The following ANK3 variants were observed in gnomAD, a reference collection of about 807,000 sequenced individuals.
ANK3 encodes the protein ankyrin 3.
A neutral mutation model predicts 370.9 loss-of-function variants in ANK3; 57 were observed. The ratio of observed to expected loss-of-function variants is 0.15; its 90% CI spans 0.12 to 0.19. The LOEUF (loss-of-function observed/expected upper bound fraction) is 0.19, where lower values mean the gene tolerates loss of function less well. ANK3 is among the 10% of genes least tolerant of loss of function. The pLI is 1.00. For missense variants in ANK3, 4,439 were observed against 5,302.1 expected (o/e 0.84, Z 5.06); for synonymous variants, 1,929 against 1,946.3 (o/e 0.99, Z 0.23).
At chr10:60,082,829 C>T in intron 33 of ANK3, 92 bp from the exon 34 acceptor site, 1 of 1,407,616 alleles carries the variant, frequency 7.1e-7, no homozygotes, top group Non-Finnish European at 9.6e-7. Context: ...TTTTATCAAG[C>T]CCTATGAGAG....
intron 2 of ANK3, among the ~76,000 whole-genome samples, chr10:60,552,049 A>G (rs1320387534): frequency 6.6e-6 from 1 of 152,222 alleles, no homozygotes. Flanking sequence ...CATTGCAATC[A>G]TACTACCTGC....
intron 2 of ANK3, among the ~76,000 whole-genome samples, chr10:60,490,774 T>A (rs181335274): frequency 6.6e-6 from 1 of 152,350 alleles, no homozygotes; most frequent in Non-Finnish European, 1.5e-5. Context: ...CCACCATTTC[T>A]TAAAAATAGA....
chr10:60,088,186 T>A lies in ANK3; in HGVS notation c.3501A>T (p.Pro1167=). Residue 1167 remains proline, a synonymous_variant, in exon 29 of 44, where the codon CCA becomes CCT. Coordinates refer to ENST00000280772, the MANE Select transcript of ANK3 (RefSeq NM_020987.5). ...TTVPLVQASF[P]EGALTKRIRV... is the part of the protein sequence containing the mutation. ...GAATTCTTTTAGTTAGGGCACCCTC[T>A]GGGAAAGATGCTTGAACAAGGGGCA... is the stretch of plus-strand genomic sequence containing the variant. The A allele has an allele frequency of 6.2e-7, 1 of 1,614,186 alleles. No individual in the cohort carries two copies. Among genetic ancestry groups the A allele is most frequent in the South Asian group, 1.1e-5 (1 of 91,088 alleles).
chr10:60,708,865 C>T (rs938110796), intron 1 of ANK3, among the ~76,000 whole-genome samples: 1 of 152,066 alleles, frequency 6.6e-6, no homozygotes, highest in Non-Finnish European at 1.5e-5. Flanking sequence ...AAGCCTCAAG[C>T]CTTATTTAAG....
At chr10:60,242,935 G>A (rs1445012072) in intron 7 of ANK3, among the ~76,000 whole-genome samples, 1 of 152,124 alleles carries the variant, frequency 6.6e-6, no homozygotes, top group East Asian at 1.9e-4. Context: ...CCCATCAGTT[G>A]TCTAACCCCA....
At chr10:60,600,383 C>G (rs571049777) in intron 2 of ANK3, among the ~76,000 whole-genome samples, 1 of 152,262 alleles carries the variant, frequency 6.6e-6, no homozygotes, top group East Asian at 1.9e-4. Context: ...CTCCTGCATA[C>G]CCAGACTTCA....
chr10:60,511,245 G>C (rs1028706094), intron 2 of ANK3, among the ~76,000 whole-genome samples: 4 of 152,110 alleles, frequency 2.6e-5, no homozygotes, highest in Non-Finnish European at 5.9e-5. Flanking sequence ...GTCAGCAAGA[G>C]AATGTTGGCC....
chr10:60,348,370 A>C (rs1163869572), intron 1 of ANK3, among the ~76,000 whole-genome samples: 4 of 51,158 alleles, frequency 7.8e-5, no homozygotes, highest in East Asian at 1.5e-3. Flanking sequence ...AAAAAAAAAA[A>C]CACAAAAAAC....
At chr10:60,626,872 C>T (rs556708771) in intron 1 of ANK3, among the ~76,000 whole-genome samples, 1 of 152,186 alleles carries the variant, frequency 6.6e-6, no homozygotes, top group South Asian at 2.1e-4. Flanking sequence ...AGCATGTAGT[C>T]AGACTGAGGA....
intron 4 of ANK3, among the ~76,000 whole-genome samples, chr10:60,271,263 G>T (rs1032690817): frequency 1.3e-5 from 2 of 151,946 alleles, no homozygotes; most frequent in South Asian, 4.2e-4. Context: ...GGAGTGCCGG[G>T]GTATCGTCAC....
At chr10:60,607,788 TAGGGTACAAGTCAG>T (rs1555396546) in intron 2 of ANK3, among the ~76,000 whole-genome samples, 6 of 152,054 alleles carry the variant, frequency 3.9e-5, no homozygotes, top group Non-Finnish European at 2.9e-5. Flanking sequence ...ACATAGGAGG[TAGGGTACAAGTCAG>T]AGCACGCAGA....
At position 60,279,656 on chromosome 10, in the gene ANK3, A is replaced by G; in HGVS notation, c.115-17T>C. On this transcript the variant is annotated splice_polypyrimidine_tract_variant and intron_variant, in intron 1 of 43. Transcript: ENST00000280772. ...GGCATCAGACTAAAATAAAAAAGAAACACATTTTGATGAAAAATGAAGCTA... is the reference window on the plus strand; with the variant it reads ...GGCATCAGACTAAAATAAAAAAGAAGCACATTTTGATGAAAAATGAAGCTA... 6.3e-7 allele frequency: 1 copy of G among 1,595,490 alleles called. No homozygotes were observed. Among genetic ancestry groups the G allele is most frequent in the Non-Finnish European group, 8.6e-7 (1 of 1,168,982 alleles).
At position 60,475,817 on chromosome 10, in the gene ANK3, G is replaced by A. The variant is rs564216233; in HGVS notation, c.96+139369C>T. On this transcript the variant is annotated intron_variant, in intron 2 of 43. Coordinates refer to the ANK3 transcript ENST00000373827. Reference sequence around the variant, plus strand: ...GGACACATTTCCACTGGTCTCATGGGACGGAGTCGCTTTCGAAAAAATCTG... The same window carrying A: ...GGACACATTTCCACTGGTCTCATGGAACGGAGTCGCTTTCGAAAAAATCTG... 2.6e-5 allele frequency among the ~76,000 whole-genome samples: 4 copies of A among 152,204 alleles called. No individual in the cohort carries two copies. In the East Asian group the frequency reaches 5.8e-4, roughly 22 times the overall value.
At chr10:60,038,334 T>C (rs1564543519) in intron 43 of ANK3, among the ~76,000 whole-genome samples, 1 of 152,126 alleles carries the variant, frequency 6.6e-6, no homozygotes, top group Admixed American at 6.5e-5. Context: ...GAGGCAGAGG[T>C]TGCAATGAGC....
At chr10:60,661,818 C>G (rs1206336421) in intron 1 of ANK3, among the ~76,000 whole-genome samples, 4 of 152,184 alleles carry the variant, frequency 2.6e-5, no homozygotes, top group Non-Finnish European at 5.9e-5. Flanking sequence ...GCACCCTCAT[C>G]TTCATCTGGC....
chr10:60,527,479 C>T (rs1342753690), intron 2 of ANK3, among the ~76,000 whole-genome samples: 1 of 151,956 alleles, frequency 6.6e-6, no homozygotes, highest in Non-Finnish European at 1.5e-5. Context: ...ACCAGATAAG[C>T]CAACAAAACA....
At chr10:60,560,886 G>A (rs928340355) in intron 2 of ANK3, among the ~76,000 whole-genome samples, 2 of 151,932 alleles carry the variant, frequency 1.3e-5, no homozygotes, top group East Asian at 1.9e-4. Flanking sequence ...ATAGACCACC[G>A]TGGTTCAACT....
At chr10:60,591,654 C>A (rs1201394192) in intron 2 of ANK3, among the ~76,000 whole-genome samples, 1 of 152,018 alleles carries the variant, frequency 6.6e-6, no homozygotes, top group Non-Finnish European at 1.5e-5. Flanking sequence ...TTCACAATAG[C>A]CAAGATTTGG....
intron 2 of ANK3, among the ~76,000 whole-genome samples, chr10:60,416,891 T>A (rs2063680163): frequency 6.6e-6 from 1 of 152,128 alleles, no homozygotes; most frequent in Non-Finnish European, 1.5e-5. Flanking sequence ...TAAAGCTGAG[T>A]GTTTTAAGAT....
Sources: allele counts gnomAD v4.1 joint callset (sites outside exome capture counted in the v4.1 genomes callset), GRCh38; gene constraint gnomAD v4.1.1; transcripts MANE v1.5; gene names NCBI Gene and HGNC (gene_info 2026-07-23, HGNC 2026-07-21).